The following ANAPC1 variants were observed in gnomAD, a reference collection of about 807,000 sequenced individuals.
The protein encoded by ANAPC1 is anaphase-promoting complex subunit 1.
In ANAPC1, 36 loss-of-function variants were observed where a neutral mutation model predicts 208.0. The observed-to-expected ratio is 0.17, with a 90% CI of 0.13 to 0.23. The LOEUF is 0.23. Among genes scored for constraint, ANAPC1 ranks in the 10% least tolerant of loss-of-function variants. The pLI, the probability that ANAPC1 is intolerant of heterozygous loss-of-function variation, is 1.00. For synonymous variants in ANAPC1, 378 were observed against 695.2 expected (o/e 0.54, Z 7.18); for missense variants, 942 against 2,011.6 (o/e 0.47, Z 10.17).
intron 6 of ANAPC1, among the ~76,000 whole-genome samples, chr2:111,869,260 T>C (rs1682605708): frequency 6.6e-6 from 1 of 152,048 alleles, no homozygotes; most frequent in Non-Finnish European, 1.5e-5. Flanking sequence ...TTTATTTTTT[T>C]TTTGACACGG....
In ANAPC1 at chr2:111,782,174, TTATA is replaced by T. The variant is rs545223334; in HGVS notation, c.5202+191_5202+194del. ...TACTTTATTATATATATATTACTTA[TTATA>T]TACAGATTTTATATTCATTATATTT... On this transcript the variant is annotated intron_variant, in intron 43 of 47. Transcript: ENST00000341068. Among the ~76,000 whole-genome samples the T allele has an allele frequency of 5.7e-3, 856 of 148,968 alleles. 14 individuals are homozygous for T. Among genetic ancestry groups the T allele is most frequent in the African/African-American group, 0.021 (831 of 39,872 alleles).
chr2:111,835,542 T>C (rs1448549003), intron 18 of ANAPC1, among the ~76,000 whole-genome samples: 9 of 152,180 alleles, frequency 5.9e-5, no homozygotes, highest in Admixed American at 4.6e-4. Flanking sequence ...GAACTAACCA[T>C]AAAAGAAAAA....
intron 18 of ANAPC1, among the ~76,000 whole-genome samples, chr2:111,836,154 AT>A (rs1211662750): frequency 6.6e-6 from 1 of 151,756 alleles, no homozygotes; most frequent in Non-Finnish European, 1.5e-5. Flanking sequence ...TGCCTGGCTA[AT>A]TTTCAAATTT....
rs558272682 is a variant in ANAPC1, at chr2:111,840,411, T to C, written c.2041-1899A>G. On this transcript the variant is annotated intron_variant, in intron 17 of 47. Transcript: ENST00000341068. Reference sequence around the variant, plus strand: ...TCCTATAAATAAATAGCAAAGCAACTTGGCCTCAAGAATTGATTTCCTTAT... The same window carrying C: ...TCCTATAAATAAATAGCAAAGCAACCTGGCCTCAAGAATTGATTTCCTTAT... 2.2e-4 allele frequency among the ~76,000 whole-genome samples: 33 copies of C among 152,324 alleles called. No individual in the cohort carries two copies. In the South Asian group the frequency reaches 6.6e-3, roughly 31 times the overall value.
intron 1 of ANAPC1, among the ~76,000 whole-genome samples, chr2:111,883,547 A>AG (rs1311869428): frequency 6.6e-6 from 1 of 151,956 alleles, no homozygotes; most frequent in African/African-American, 2.4e-5. Context: ...AAAAAAAAAA[A>AG]AGAGACCCAA....
chr2:111,873,411 G>A lies in ANAPC1; in HGVS notation c.428-3C>T. On this transcript the variant is annotated splice_region_variant and splice_polypyrimidine_tract_variant and intron_variant, in intron 4 of 47. Transcript: ENST00000341068. Reference sequence around the variant, plus strand: ...GCATTTTTCTACTTCATTGCTACCTGAAAAGAAAGGGTACAACAAGACTTA... The same window carrying A: ...GCATTTTTCTACTTCATTGCTACCTAAAAAGAAAGGGTACAACAAGACTTA... The A allele has an allele frequency of 6.2e-7, 1 of 1,600,290 alleles. No homozygotes were observed. The highest frequency in any genetic ancestry group is 8.5e-7 in the Non-Finnish European group (1 of 1,175,528).
At chr2:111,872,250 GTTT>G (rs1201106101) in intron 6 of ANAPC1, among the ~76,000 whole-genome samples, 4 of 152,182 alleles carry the variant, frequency 2.6e-5, no homozygotes, top group Non-Finnish European at 5.9e-5. Flanking sequence ...TGATCATATG[GTTT>G]TTAATTGTTT....
At chr2:111,855,153 G>A (rs1476668065) in intron 13 of ANAPC1, among the ~76,000 whole-genome samples, 1 of 152,188 alleles carries the variant, frequency 6.6e-6, no homozygotes, top group Non-Finnish European at 1.5e-5. Context: ...AGGAGACAGA[G>A]AGACAGGAAA....
rs982045602 is a variant in ANAPC1, at chr2:111,873,790, A to C, written c.376-126T>G. The C allele has an allele frequency of 1.3e-5, 11 of 842,088 alleles. No individual in the cohort carries two copies. The African/African-American group carries it at 1.8e-4, about 14-fold the overall frequency. 52.2% of individuals were successfully genotyped at this position (842,088 alleles called of 1,614,324 possible). ...TTTGCCTCCTCAGCTCAACATGTAC[A>C]ATCATGGGAACAAAAAGAATAAGAA... On this transcript the variant is annotated intron_variant, in intron 3 of 47. Transcript: ENST00000341068.
downstream of ANAPC1, chr2:111,766,718 C>A: frequency 3.2e-6 from 1 of 307,914 alleles, no homozygotes; most frequent in Non-Finnish European, 6.9e-6. Flanking sequence ...AAATCCTGGC[C>A]CACACTCTGA....
At chr2:111,865,120 T>C (rs1384967517) in intron 7 of ANAPC1, among the ~76,000 whole-genome samples, 169 bp from the exon 8 acceptor site, 2 of 151,566 alleles carry the variant, frequency 1.3e-5, no homozygotes, top group African/African-American at 4.8e-5. Flanking sequence ...TAAATTTACT[T>C]TAGGCATCAA....
At chr2:111,853,186 G>C (rs1018183600) in intron 13 of ANAPC1, among the ~76,000 whole-genome samples, 6 of 151,992 alleles carry the variant, frequency 3.9e-5, no homozygotes, top group Admixed American at 1.3e-4. Flanking sequence ...ATTACTGTTT[G>C]CATAATATAT....
intron 3 of ANAPC1, among the ~76,000 whole-genome samples, chr2:111,878,113 A>G (rs1329650108): frequency 6.6e-6 from 1 of 152,198 alleles, no homozygotes; most frequent in East Asian, 1.9e-4. Flanking sequence ...CAGGTAATCC[A>G]CAGGGTGATG....
At chr2:111,864,627 A>AT (rs1158915920) in intron 8 of ANAPC1, among the ~76,000 whole-genome samples, 179 bp downstream of exon 8, 1 of 151,312 alleles carries the variant, frequency 6.6e-6, no homozygotes, top group Non-Finnish European at 1.5e-5. Flanking sequence ...CACCTGGCTA[A>AT]TTTTTTATAT....
chr2:111,799,152 C>A (rs1262979193), intron 34 of ANAPC1, among the ~76,000 whole-genome samples: 2 of 151,878 alleles, frequency 1.3e-5, no homozygotes, highest in African/African-American at 4.8e-5. Context: ...CATGCACAGA[C>A]ACTTCACAAA....
At chr2:111,846,535 A>G (rs1458847345) in intron 16 of ANAPC1, among the ~76,000 whole-genome samples, 2 of 42,014 alleles carry the variant, frequency 4.8e-5, no homozygotes, top group African/African-American at 1.6e-4. Flanking sequence ...ATACATATAC[A>G]TATATATATA....
intron 16 of ANAPC1, among the ~76,000 whole-genome samples, chr2:111,845,757 G>A (rs561020441): frequency 3.9e-5 from 6 of 152,078 alleles, no homozygotes; most frequent in African/African-American, 1.2e-4. Context: ...GGTGAATCAC[G>A]AGGTCAGGAG....
intron 38 of ANAPC1, among the ~76,000 whole-genome samples, chr2:111,788,861 A>G (rs1211566142): frequency 1.3e-5 from 2 of 152,068 alleles, no homozygotes; most frequent in Non-Finnish European, 2.9e-5. Flanking sequence ...CAACGAGGCC[A>G]TGCGCGGTGG....
intron 16 of ANAPC1, among the ~76,000 whole-genome samples, chr2:111,845,524 T>C (rs1681004855): frequency 1.3e-5 from 2 of 152,244 alleles, no homozygotes; most frequent in African/African-American, 4.8e-5. Flanking sequence ...GCAGGTAAAG[T>C]ACATAAACTT....
Sources: allele counts gnomAD v4.1 joint callset (sites outside exome capture counted in the v4.1 genomes callset), GRCh38; gene constraint gnomAD v4.1.1; transcripts MANE v1.5; gene names NCBI Gene and HGNC (gene_info 2026-07-23, HGNC 2026-07-21).